Variants in CYLD observed in about 807,000 individuals in gnomAD.
The protein encoded by CYLD is ubiquitin carboxyl-terminal hydrolase CYLD.
In CYLD, 26 loss-of-function variants were observed where a neutral mutation model predicts 104.5. The observed-to-expected ratio is 0.25, with a 90% CI of 0.18 to 0.35. The LOEUF (loss-of-function observed/expected upper bound fraction) is 0.35. Among genes scored for constraint, CYLD ranks in the 10% least tolerant of loss-of-function variants. The probability of loss-of-function intolerance (pLI) is 1.00; values close to 1 mark genes in which losing one functional copy is unlikely to be tolerated. For synonymous variants in CYLD, 385 were observed against 399.9 expected (o/e 0.96, Z 0.45); for missense variants, 703 against 1,136.1 (o/e 0.62, Z 5.48).
intron 5 of CYLD, among the ~76,000 whole-genome samples, chr16:50,761,746 A>ATATCTATCTATCTATCTATCTATCTATC (rs58093805): frequency 1.6e-3 from 243 of 149,892 alleles, no homozygotes; most frequent in South Asian, 4.1e-3. Flanking sequence ...ACATATCTCT[A>ATATCTATCTATCTATCTATCTATCTATC]TATCTATCTA....
chr16:50,754,534 A>T (rs1233107671), intron 5 of CYLD, 110 bp downstream of exon 5: 1 of 754,384 alleles, frequency 1.3e-6, no homozygotes, highest in Non-Finnish European at 2.2e-6. Context: ...TTACATGGAT[A>T]AGTTCTTTCG....
intron 3 of CYLD, 117 bp from the exon 4 acceptor site, chr16:50,751,487 T>C: frequency 1.3e-6 from 1 of 766,728 alleles, no homozygotes. Flanking sequence ...TATTTCTTAT[T>C]ATATGTATCA....
intron 7 of CYLD, among the ~76,000 whole-genome samples, chr16:50,776,889 A>G (rs1367932837): frequency 1.3e-5 from 2 of 152,166 alleles, no homozygotes; most frequent in African/African-American, 4.8e-5. Flanking sequence ...AATTATTACA[A>G]TTTTGGCTCA....
intron 7 of CYLD, among the ~76,000 whole-genome samples, chr16:50,777,129 G>A (rs1205148319): frequency 6.6e-6 from 1 of 152,096 alleles, no homozygotes; most frequent in East Asian, 1.9e-4. Flanking sequence ...AAAATGTACA[G>A]CTACCTGCTT....
At chr16:50,751,991 CACACATAT>C (rs1966669782) in intron 4 of CYLD, 85 bp downstream of exon 4, 4 of 99,906 alleles carry the variant, frequency 4.0e-5, no homozygotes, top group Non-Finnish European at 5.8e-5. Flanking sequence ...CATATATATA[CACACATAT>C]ATATACACAC....
rs1972234333 is a variant in CYLD, at chr16:50,798,592, G to A, written c.*2084G>A. 1 of 229,374 alleles carries A rather than the reference G, an allele frequency of 4.4e-6. No individual in the cohort carries two copies. The highest frequency in any genetic ancestry group is 1.9e-4 in the South Asian group (1 of 5,362). 14.2% of individuals were successfully genotyped at this position (229,374 alleles called of 1,614,324 possible). On this transcript the variant is annotated 3_prime_UTR_variant, in exon 19 of 19. Transcript: ENST00000427738. ...CAGATACTAAGGGCTGACGATCTAG[G>A]TAAGACTGGATTTAACAGTTGGAAA...
At chr16:50,756,491 C>A (rs1402928584) in intron 5 of CYLD, among the ~76,000 whole-genome samples, 1 of 152,168 alleles carries the variant, frequency 6.6e-6, no homozygotes, top group Admixed American at 6.5e-5. Flanking sequence ...AAAAATCAAG[C>A]AATCTTTTAT....
intron 11 of CYLD, among the ~76,000 whole-genome samples, chr16:50,783,124 G>A (rs1970428276): frequency 6.6e-6 from 1 of 151,846 alleles, no homozygotes; most frequent in East Asian, 1.9e-4. Context: ...AGAGACGGGG[G>A]TTTCACCACG....
rs1363261645 is a variant in CYLD at position 50,779,992 on chromosome 16, G to A, written c.1466G>A (p.Arg489His). ...AACCCTCCTTTCTATGGGGTAATCCGTTGGATCGGTCAGCCACCAGGACTG... is the reference window on the plus strand; with the variant it reads ...AACCCTCCTTTCTATGGGGTAATCCATTGGATCGGTCAGCCACCAGGACTG... Reference protein sequence around the residue: ...KENPPFYGVIRWIGQPPGLNE... With the variant: ...KENPPFYGVIHWIGQPPGLNE... The change falls in exon 9 of 19, where the codon CGT (arginine) becomes CAT (histidine). Residue 489 changes from arginine (R) to histidine (H), a missense_variant. Around this residue, in one of 5 missense-constraint regions of CYLD, gnomAD observed 183 missense variants for 212.1 expected, o/e 0.86. Transcript: ENST00000427738. 2 of 1,614,132 alleles carry A rather than the reference G, an allele frequency of 1.2e-6. No homozygotes were observed. The highest frequency in any genetic ancestry group is 1.7e-6 in the Non-Finnish European group (2 of 1,179,992).
In CYLD at chr16:50,784,567, T is replaced by A. The variant is rs1447136190; in HGVS notation, c.1949+116T>A. On this transcript the variant is annotated intron_variant, in intron 12 of 18. Coordinates refer to ENST00000427738, the MANE Select transcript of CYLD (RefSeq NM_001378743.1). ...GTAATAAGAGATGGGTGAAAATTAG[T>A]TCTTATGGTAAAATATTACGTTTTT... 3 of 1,131,288 alleles carry A rather than the reference T, an allele frequency of 2.7e-6. No individual in the cohort carries two copies. In the Admixed American group the frequency reaches 5.8e-5, roughly 22 times the overall value. 70.1% of individuals were successfully genotyped at this position (1,131,288 alleles called of 1,614,324 possible). A position where few individuals can be genotyped will look rare whatever the true frequency, so the allele number is the denominator to read the frequency against.
chr16:50,775,799 C>CATA (rs1969614478), intron 6 of CYLD, among the ~76,000 whole-genome samples: 1 of 152,156 alleles, frequency 6.6e-6, no homozygotes, highest in Non-Finnish European at 1.5e-5. Flanking sequence ...CGAAACACTT[C>CATA]ATAATACACA....
intron 9 of CYLD, among the ~76,000 whole-genome samples, chr16:50,780,749 A>G (rs1970140731): frequency 6.6e-6 from 1 of 151,890 alleles, no homozygotes; most frequent in Admixed American, 6.5e-5. Context: ...AAACTCCTGG[A>G]CTCAAGTGAT....
At chr16:50,782,916 A>ATTTTTTTT (rs386384680) in intron 11 of CYLD, among the ~76,000 whole-genome samples, 5 of 87,706 alleles carry the variant, frequency 5.7e-5, no homozygotes, top group African/African-American at 1.4e-4. Flanking sequence ...ACAACTTAAG[A>ATTTTTTTT]TTTTTTTTTT....
chr16:50,768,347 A>AG (rs1445273239), intron 5 of CYLD, among the ~76,000 whole-genome samples: 4 of 152,124 alleles, frequency 2.6e-5, no homozygotes, highest in African/African-American at 4.8e-5. Flanking sequence ...TCTTTTCTTG[A>AG]GGGGAAAAAA....
At position 50,797,204 on chromosome 16, in the gene CYLD, A is replaced by G. The variant is rs932859328; in HGVS notation, c.*696A>G. The G allele has an allele frequency of 9.0e-5, 21 of 233,000 alleles. No individual in the cohort carries two copies. Among genetic ancestry groups the G allele is most frequent in the African/African-American group, 4.4e-4 (20 of 45,450 alleles). The allele number at this position is 233,000 out of a possible 1,614,324, so 14.4% of individuals were successfully genotyped here. A position where few individuals can be genotyped will look rare whatever the true frequency, so the allele number is the denominator to read the frequency against. ...TTCCTGGAGGATTAGGGTATTTAGC[A>G]GTTGAAGCTCTTCATTCATAGTAGT... On this transcript the variant is annotated 3_prime_UTR_variant, in exon 19 of 19. Transcript: ENST00000427738.
At chr16:50,773,678 A>G (rs1969373986) in intron 5 of CYLD, among the ~76,000 whole-genome samples, 1 of 152,104 alleles carries the variant, frequency 6.6e-6, no homozygotes, top group Admixed American at 6.5e-5. Flanking sequence ...TCCCATATTT[A>G]TCTTTTTCTG....
In CYLD at chr16:50,760,603, T is replaced by C. The variant is rs1967795261; in HGVS notation, c.913+6179T>C. Among the ~76,000 whole-genome samples, 3 of 152,324 alleles carry C rather than the reference T, an allele frequency of 2.0e-5. No individual in the cohort carries two copies. The East Asian group carries it at 5.8e-4, about 29-fold the overall frequency. On this transcript the variant is annotated intron_variant, in intron 5 of 18. Coordinates refer to ENST00000427738, the MANE Select transcript of CYLD (RefSeq NM_001378743.1). ...TCTTAATTTTATATGTTAGAACTCT[T>C]TGTATATTTGCAAACAGAGGTTCTT... is the stretch of plus-strand genomic sequence containing the variant.
intron 1 of CYLD, 41 bp from the exon 2 acceptor site, chr16:50,742,721 G>C (rs1202137810): frequency 3.8e-5 from 15 of 398,904 alleles, no homozygotes; most frequent in East Asian, 2.8e-4. Flanking sequence ...GGCAGTCGGG[G>C]TTCTGGCCTT....
intron 12 of CYLD, chr16:50,786,308 A>G (rs1386449411): frequency 1.3e-5 from 2 of 152,284 alleles, no homozygotes; most frequent in African/African-American, 2.4e-5. Flanking sequence ...AAAATTTTTT[A>G]TCTTAGTGTA....
Sources: allele counts gnomAD v4.1 joint callset (sites outside exome capture counted in the v4.1 genomes callset), GRCh38; gene constraint gnomAD v4.1.1; regional missense constraint gnomAD v4.1.1; transcripts MANE v1.5; gene names NCBI Gene and HGNC (gene_info 2026-07-23, HGNC 2026-07-21).